The following ATRNL1 variants were observed in gnomAD, a reference collection of about 807,000 sequenced individuals.
ATRNL1 encodes the protein attractin like 1, also known as attractin-like protein 1.
Under a neutral mutation model 182.7 loss-of-function variants are expected in ATRNL1, and 95 were observed. The observed-to-expected ratio is 0.52, with a 90% CI of 0.44 to 0.62. The LOEUF (loss-of-function observed/expected upper bound fraction) is 0.62. Among genes scored for constraint, ATRNL1 ranks in the 20% least tolerant of loss-of-function variants. The pLI is 0.00. For synonymous variants in ATRNL1, 576 were observed against 568.3 expected, an observed-to-expected ratio of 1.01 and a Z score of -0.19; for missense variants, 1,471 against 1,679.5, an observed-to-expected ratio of 0.88 and a Z score of 2.17.
Position 115,093,840 on chromosome 10 carries a change from G to C in ATRNL1, c.90G>C (p.Gly30=), listed in dbSNP as rs782256548. The C allele has an allele frequency of 2.6e-6, 4 of 1,531,700 alleles. No individual in the cohort carries two copies. Among genetic ancestry groups the C allele is most frequent in the South Asian group, 2.4e-5 (2 of 81,676 alleles). 94.9% of individuals were successfully genotyped at this position (1,531,700 alleles called of 1,614,324 possible). ...CTCGGCCGGCGGGCGGCGGCGGCGG[G>C]GGCGCCTCCTCCTGGCTGCTGGACG... is the stretch of plus-strand genomic sequence containing the variant. The part of the protein sequence containing the change: ...WRARPAGGGG[G]GASSWLLDGN... Residue 30 remains glycine (G), a synonymous_variant, in exon 1 of 29, where the codon GGG becomes GGC. Coordinates refer to ENST00000355044, the MANE Select transcript of ATRNL1 (RefSeq NM_207303.4). The surrounding 1 kb of genome is among the most constrained non-coding windows in gnomAD (Gnocchi z 6.1).
chr10:115,937,227 G>A (rs1276629902), intron 28 of ATRNL1, among the ~76,000 whole-genome samples: 9 of 152,156 alleles, frequency 5.9e-5, no homozygotes, highest in Admixed American at 1.3e-4. Context: ...TGAGCAGTGT[G>A]TCTCTAAATG....
intron 9 of ATRNL1, among the ~76,000 whole-genome samples, chr10:115,224,010 A>T (rs2144474377): frequency 6.9e-6 from 1 of 144,768 alleles, no homozygotes; most frequent in East Asian, 2.1e-4. Flanking sequence ...ATCTCAGCTC[A>T]CTGCAACCTC....
intron 24 of ATRNL1, among the ~76,000 whole-genome samples, chr10:115,512,000 T>C (rs1554982758): frequency 1.3e-5 from 2 of 151,864 alleles, no homozygotes; most frequent in East Asian, 3.9e-4. Context: ...AATAAAATTA[T>C]TACCGAAGAC....
At chr10:115,519,699 T>C (rs1245302337) in intron 25 of ATRNL1, among the ~76,000 whole-genome samples, 2 of 152,194 alleles carry the variant, frequency 1.3e-5, no homozygotes, top group African/African-American at 4.8e-5. Flanking sequence ...ATTTTGTTAA[T>C]TGTGTGACAT....
intron 26 of ATRNL1, among the ~76,000 whole-genome samples, chr10:115,639,202 T>C (rs1446973466): frequency 6.6e-6 from 1 of 152,208 alleles, no homozygotes; most frequent in Non-Finnish European, 1.5e-5. Flanking sequence ...AGCAAATTTC[T>C]CTTTTTAAAC....
intron 27 of ATRNL1, among the ~76,000 whole-genome samples, chr10:115,804,507 C>G (rs1408342691): frequency 6.6e-6 from 1 of 152,092 alleles, no homozygotes; most frequent in East Asian, 1.9e-4. Context: ...GAGAAGACAG[C>G]CATGTGCAAA....
At chr10:115,505,703 A>G (rs2133651721) in intron 24 of ATRNL1, among the ~76,000 whole-genome samples, 1 of 152,206 alleles carries the variant, frequency 6.6e-6, no homozygotes, top group Non-Finnish European at 1.5e-5. Context: ...GCTCAAAAAA[A>G]GGCAAGGTTC....
intron 26 of ATRNL1, among the ~76,000 whole-genome samples, chr10:115,645,167 G>A (rs1315920099): frequency 6.6e-6 from 1 of 151,830 alleles, no homozygotes; most frequent in Non-Finnish European, 1.5e-5. Context: ...GCTATTCTGT[G>A]TTCAACAATA....
intron 26 of ATRNL1, among the ~76,000 whole-genome samples, chr10:115,621,203 C>G (rs1353470656): frequency 6.9e-6 from 1 of 145,468 alleles, no homozygotes; most frequent in Non-Finnish European, 1.5e-5. Flanking sequence ...ACATGTAAAT[C>G]TTATAGATGC....
At chr10:115,766,196 A>G (rs1463334952) in intron 27 of ATRNL1, among the ~76,000 whole-genome samples, 1 of 152,228 alleles carries the variant, frequency 6.6e-6, no homozygotes, top group Non-Finnish European at 1.5e-5. Context: ...ATCTACAGGA[A>G]AAAATCATAG....
chr10:115,395,500 A>G (rs1844242933), intron 20 of ATRNL1, among the ~76,000 whole-genome samples: 2 of 152,014 alleles, frequency 1.3e-5, no homozygotes, highest in South Asian at 2.1e-4. Flanking sequence ...TATGTATCAA[A>G]TCTACATTAT....
At position 115,093,587 on chromosome 10, in the gene ATRNL1, G is replaced by A. The variant is rs1554862111; in HGVS notation, c.-164G>A. ...GAGGCAGCCGAGCGGAGGCGACGGCGGTTGGGATCTGTCCCTCCTGACCGG... is the reference window on the plus strand; with the variant it reads ...GAGGCAGCCGAGCGGAGGCGACGGCAGTTGGGATCTGTCCCTCCTGACCGG... On this transcript the variant is annotated 5_prime_UTR_variant, in exon 1 of 29. Coordinates refer to ENST00000355044, the MANE Select transcript of ATRNL1 (RefSeq NM_207303.4). The surrounding 1 kb of genome is among the most constrained non-coding windows in gnomAD (Gnocchi z 6.1). The A allele has an allele frequency of 1.3e-6, 1 of 797,260 alleles. No individual in the cohort carries two copies. The highest frequency in any genetic ancestry group is 2.1e-6 in the Non-Finnish European group (1 of 483,224). 49.4% of individuals were successfully genotyped at this position (797,260 alleles called of 1,614,324 possible).
chr10:115,307,947 C>T (rs1438382917), intron 17 of ATRNL1, among the ~76,000 whole-genome samples: 4 of 151,894 alleles, frequency 2.6e-5, no homozygotes, highest in Non-Finnish European at 4.4e-5. Context: ...TTCTACTACA[C>T]GTCTATTCAT....
chr10:115,724,865 G>T (rs970846379), intron 26 of ATRNL1, among the ~76,000 whole-genome samples: 40 of 152,124 alleles, frequency 2.6e-4, no homozygotes, highest in Non-Finnish European at 1.0e-4. Flanking sequence ...TTATTTTAGG[G>T]CTATCACACT....
chr10:115,411,561 T>C (rs1845143605), intron 20 of ATRNL1, among the ~76,000 whole-genome samples: 1 of 141,356 alleles, frequency 7.1e-6, no homozygotes, highest in South Asian at 2.2e-4. Context: ...CAGAAACCCT[T>C]TGAAATTACA....
chr10:115,728,057 C>T (rs971907435), intron 27 of ATRNL1, among the ~76,000 whole-genome samples: 1 of 142,704 alleles, frequency 7.0e-6, no homozygotes, highest in African/African-American at 2.6e-5. Flanking sequence ...GGGCAGATCA[C>T]GAGGTCAGGA....
chr10:115,436,602 A>C (rs1554964859), intron 21 of ATRNL1, among the ~76,000 whole-genome samples: 1 of 152,150 alleles, frequency 6.6e-6, no homozygotes, highest in African/African-American at 2.4e-5. Context: ...AGTACAGTTG[A>C]GCAAACAAGG....
intron 25 of ATRNL1, among the ~76,000 whole-genome samples, chr10:115,544,019 G>T (rs1554992878): frequency 1.3e-5 from 2 of 151,898 alleles, no homozygotes; most frequent in Non-Finnish European, 2.9e-5. Flanking sequence ...GAAAAAGAAA[G>T]CCCAATTATT....
At chr10:115,828,575 G>T (rs1950491212) in intron 27 of ATRNL1, among the ~76,000 whole-genome samples, 2 of 152,188 alleles carry the variant, frequency 1.3e-5, no homozygotes, top group Non-Finnish European at 2.9e-5. Context: ...CATGGTGGTA[G>T]TTGTCTACCT....
Sources: allele counts gnomAD v4.1 joint callset (sites outside exome capture counted in the v4.1 genomes callset), GRCh38; gene constraint gnomAD v4.1.1; non-coding constraint Gnocchi (gnomAD v3.1); transcripts MANE v1.5; gene names NCBI Gene and HGNC (gene_info 2026-07-23, HGNC 2026-07-21).